MCC: variants seen among roughly 807,000 people sequenced by gnomAD.
MCC encodes colorectal mutant cancer protein.
MCC carries 90 observed loss-of-function variants against 116.2 expected under a neutral mutation model. The observed-to-expected ratio is 0.77, with a 90% CI of 0.65 to 0.92. MCC has a LOEUF of 0.92. Among genes scored for constraint, MCC ranks in the 40% least tolerant of loss-of-function variants. MCC has a pLI of 0.00. For missense variants in MCC, 1,516 were observed against 1,312.2 expected (o/e 1.16, Z -2.40); for synonymous variants, 578 against 510.5 (o/e 1.13, Z -1.78).
At chr5:113,353,063 G>A (rs562986457) in intron 2 of MCC, among the ~76,000 whole-genome samples, 1 of 152,260 alleles carries the variant, frequency 6.6e-6, no homozygotes, top group African/African-American at 2.4e-5. Context: ...ACACCACTGT[G>A]TCAATGTCTC....
At chr5:113,254,368 A>C (rs1764924663) in intron 3 of MCC, among the ~76,000 whole-genome samples, 1 of 152,256 alleles carries the variant, frequency 6.6e-6, no homozygotes, top group African/African-American at 2.4e-5. Flanking sequence ...AGTAGAATTA[A>C]GCCAAGAATA....
At chr5:113,370,351 A>G (rs1371245742) in intron 2 of MCC, among the ~76,000 whole-genome samples, 1 of 152,230 alleles carries the variant, frequency 6.6e-6, no homozygotes, top group Non-Finnish European at 1.5e-5. Context: ...TTGACATCCC[A>G]AACAGGGCAA....
intron 1 of MCC, among the ~76,000 whole-genome samples, chr5:113,476,472 A>G (rs1019015572): frequency 6.6e-6 from 1 of 152,222 alleles, no homozygotes; most frequent in Non-Finnish European, 1.5e-5. Context: ...ATGGCTGTTG[A>G]CAACTGAATA....
chr5:113,321,085 A>C (rs553870692), intron 3 of MCC, among the ~76,000 whole-genome samples: 62 of 152,378 alleles, frequency 4.1e-4, no homozygotes, highest in African/African-American at 1.4e-3. Flanking sequence ...TGTTTTAGTG[A>C]AATATCCTCA....
chr5:113,471,825 G>A (rs972129641), intron 1 of MCC, among the ~76,000 whole-genome samples: 19 of 151,128 alleles, frequency 1.3e-4, no homozygotes, highest in Admixed American at 2.0e-4. Flanking sequence ...CTTCCCAGCC[G>A]CTTTGTTTTC....
intron 5 of MCC, among the ~76,000 whole-genome samples, chr5:113,134,869 C>A (rs1758712011): frequency 6.6e-6 from 1 of 151,322 alleles, no homozygotes; most frequent in African/African-American, 2.4e-5. Context: ...GCATGGGGAT[C>A]TTTCCACTTG....
At chr5:113,414,089 T>A (rs947215542) in intron 1 of MCC, among the ~76,000 whole-genome samples, 5 of 152,144 alleles carry the variant, frequency 3.3e-5, no homozygotes, top group South Asian at 2.1e-4. Flanking sequence ...GTTTTGAGTG[T>A]GTTTCTTAAT....
At chr5:113,275,804 T>C (rs1449535368) in intron 3 of MCC, among the ~76,000 whole-genome samples, 1 of 152,148 alleles carries the variant, frequency 6.6e-6, no homozygotes, top group African/African-American at 2.4e-5. Flanking sequence ...CTTTTATATA[T>C]ATAAAGGACT....
chr5:113,292,515 T>C (rs1200880827), intron 3 of MCC, among the ~76,000 whole-genome samples: 1 of 152,116 alleles, frequency 6.6e-6, no homozygotes, highest in Non-Finnish European at 1.5e-5. Context: ...TACAAAGCAC[T>C]CTCAACTCTT....
At chr5:113,209,426 G>C (rs1161232103) in intron 3 of MCC, among the ~76,000 whole-genome samples, 1 of 152,102 alleles carries the variant, frequency 6.6e-6, no homozygotes. Context: ...ATTCCACTGG[G>C]TTCCTCCAAA....
At position 113,433,939 on chromosome 5, in the gene MCC, C is replaced by T. The variant is rs371461523; in HGVS notation, c.171-48727G>A. ...GCAGACTTCTTGTCAGAGCCAGGTT[C>T]GGGGGTCCACAAGGGTTCAGTTCCC... On this transcript the variant is annotated intron_variant, in intron 1 of 18. Transcript: ENST00000408903. 8.9e-5 allele frequency: 144 copies of T among 1,613,970 alleles called. 2 individuals carry two copies. The highest frequency in any genetic ancestry group is 8.2e-4 in the Middle Eastern group (5 of 6,062).
At chr5:113,487,201 T>C (rs1561597521) in intron 1 of MCC, among the ~76,000 whole-genome samples, 1 of 151,962 alleles carries the variant, frequency 6.6e-6, no homozygotes. Flanking sequence ...GCTTTCTTTT[T>C]TTTTTTTTTA....
At chr5:113,028,527 A>G (rs1750736390) in intron 18 of MCC, among the ~76,000 whole-genome samples, 1 of 152,222 alleles carries the variant, frequency 6.6e-6, no homozygotes, top group African/African-American at 2.4e-5. Flanking sequence ...TCCTGAGCCC[A>G]GTCTTAGAGC....
intron 2 of MCC, among the ~76,000 whole-genome samples, chr5:113,369,274 C>T (rs1768780371): frequency 6.6e-6 from 1 of 151,738 alleles, no homozygotes; most frequent in African/African-American, 2.4e-5. Flanking sequence ...CAGTGACCAG[C>T]CTCATCCTGA....
chr5:113,197,314 G>A (rs1762461927), intron 3 of MCC, among the ~76,000 whole-genome samples: 1 of 152,080 alleles, frequency 6.6e-6, no homozygotes, highest in South Asian at 2.1e-4. Context: ...GGAGATAGGT[G>A]ACTGCTTGGG....
chr5:113,073,625 G>T (rs1252996096), intron 11 of MCC, among the ~76,000 whole-genome samples: 1 of 150,458 alleles, frequency 6.6e-6, no homozygotes, highest in Non-Finnish European at 1.5e-5. Flanking sequence ...TTGTTAAGTG[G>T]CCATAAGAAT....
chr5:113,071,326 T>C (rs1754025933), intron 11 of MCC, 92 bp from the exon 12 acceptor site: 2 of 1,362,378 alleles, frequency 1.5e-6, no homozygotes, highest in East Asian at 2.4e-5. Flanking sequence ...CAGAAAAGCA[T>C]GTGAGGATGT....
chr5:113,434,513 A>G lies in MCC; in HGVS notation c.171-49301T>C. 1 of 1,612,926 alleles carries G rather than the reference A, an allele frequency of 6.2e-7. No homozygotes were observed. The highest frequency in any genetic ancestry group is 8.5e-7 in the Non-Finnish European group (1 of 1,179,030). On this transcript the variant is annotated intron_variant, in intron 1 of 18. Coordinates refer to ENST00000408903, the MANE Select transcript of MCC (RefSeq NM_001085377.2). The surrounding 1 kb of genome is among the most constrained non-coding windows in gnomAD (Gnocchi z 4.2). ...GGAACTTCTTGCGAGCTTCGTCCTC[A>G]TGCAGGGCTCCCCGGGTTTTGATTA...
intron 2 of MCC, among the ~76,000 whole-genome samples, chr5:113,354,621 G>C (rs1435853290): frequency 4.6e-5 from 7 of 151,708 alleles, no homozygotes; most frequent in Non-Finnish European, 1.0e-4. Flanking sequence ...TTTTAGGAGA[G>C]ACGGGGTTTC....
Sources: allele counts gnomAD v4.1 joint callset (sites outside exome capture counted in the v4.1 genomes callset), GRCh38; gene constraint gnomAD v4.1.1; non-coding constraint Gnocchi (gnomAD v3.1); transcripts MANE v1.5; gene names NCBI Gene and HGNC (gene_info 2026-07-23, HGNC 2026-07-21).